The following TBC1D14 variants were observed in gnomAD, a reference collection of about 807,000 sequenced individuals.
The protein encoded by TBC1D14 is TBC1 domain family, member 14.
TBC1D14 carries 26 observed loss-of-function variants against 79.0 expected under a neutral mutation model. That is an observed-to-expected ratio of 0.33 (90% CI 0.24 to 0.46). TBC1D14 has a LOEUF of 0.46. Among genes scored for constraint, TBC1D14 ranks in the 20% least tolerant of loss-of-function variants. The pLI is 1.00. For missense variants in TBC1D14, 769 were observed against 887.6 expected, an observed-to-expected ratio of 0.87 and a Z score of 1.70; for synonymous variants, 394 against 349.9, an observed-to-expected ratio of 1.13 and a Z score of -1.40.
chr4:7,029,435 G>A (rs1722815063), intron 13 of TBC1D14, among the ~76,000 whole-genome samples: 1 of 152,272 alleles, frequency 6.6e-6, no homozygotes, highest in South Asian at 2.1e-4. Flanking sequence ...TTGTCGCGTG[G>A]GCTAAGCGGG....
At chr4:6,958,376 TACACACAC>T (rs60999179) in intron 2 of TBC1D14, among the ~76,000 whole-genome samples, 1 of 149,112 alleles carries the variant, frequency 6.7e-6, no homozygotes, top group African/African-American at 2.5e-5. Flanking sequence ...TCCCCACATA[TACACACAC>T]ACACACACAC....
At chr4:6,917,829 T>C (rs1723524346) in intron 1 of TBC1D14, among the ~76,000 whole-genome samples, 1 of 150,968 alleles carries the variant, frequency 6.6e-6, no homozygotes. Context: ...CTATAAAGGG[T>C]ATTATCACGC....
chr4:7,014,233 G>A (rs929058947), intron 11 of TBC1D14, among the ~76,000 whole-genome samples: 4 of 152,248 alleles, frequency 2.6e-5, no homozygotes, highest in African/African-American at 7.2e-5. Flanking sequence ...ATGAATTGAA[G>A]AAGATGAGGT....
chr4:7,013,271 G>A (rs1560349707), intron 11 of TBC1D14, among the ~76,000 whole-genome samples: 1 of 152,224 alleles, frequency 6.6e-6, no homozygotes, highest in African/African-American at 2.4e-5. Flanking sequence ...AGCAGCACCT[G>A]CCCCCGGTTA....
intron 2 of TBC1D14, among the ~76,000 whole-genome samples, chr4:6,938,096 G>C (rs973747168): frequency 6.6e-6 from 1 of 152,184 alleles, no homozygotes. Context: ...GGTGGTGGGC[G>C]CTACTTTGCT....
At chr4:6,987,001 C>G (rs986594792) in intron 3 of TBC1D14, among the ~76,000 whole-genome samples, 1 of 152,252 alleles carries the variant, frequency 6.6e-6, no homozygotes, top group African/African-American at 2.4e-5. Context: ...ATCTTTAAGG[C>G]AGAAGCTGGC....
chr4:6,969,155 G>C (rs1268074686), intron 3 of TBC1D14, among the ~76,000 whole-genome samples: 1 of 152,128 alleles, frequency 6.6e-6, no homozygotes. Context: ...CATTTTTGTT[G>C]ATTGTTACAT....
chr4:6,940,745 C>T (rs1209441865), intron 2 of TBC1D14, among the ~76,000 whole-genome samples: 2 of 152,206 alleles, frequency 1.3e-5, no homozygotes, highest in Non-Finnish European at 2.9e-5. Context: ...AAAGTCTGCT[C>T]TGCCTGGCCG....
At chr4:6,949,387 G>A (rs1713804361) in intron 2 of TBC1D14, among the ~76,000 whole-genome samples, 2 of 152,072 alleles carry the variant, frequency 1.3e-5, no homozygotes, top group African/African-American at 4.8e-5. Flanking sequence ...ATTACATGAA[G>A]ACTTCTAATT....
intron 2 of TBC1D14, among the ~76,000 whole-genome samples, chr4:6,939,030 A>T (rs1313560379): frequency 6.6e-6 from 1 of 152,062 alleles, no homozygotes; most frequent in Non-Finnish European, 1.5e-5. Flanking sequence ...TGGGGAAGAG[A>T]TGCTAGTGAA....
chr4:6,984,007 G>A (rs1178078741), intron 3 of TBC1D14, among the ~76,000 whole-genome samples: 2 of 152,124 alleles, frequency 1.3e-5, no homozygotes, highest in South Asian at 2.1e-4. Context: ...GCTGCGTCTC[G>A]CCAGAAGGAA....
At chr4:6,949,668 GC>G (rs1472736718) in intron 2 of TBC1D14, among the ~76,000 whole-genome samples, 1 of 110,046 alleles carries the variant, frequency 9.1e-6, no homozygotes, top group Non-Finnish European at 1.8e-5. Context: ...GGGCGACAGA[GC>G]AAGACTCCGT....
rs1717934629 is a variant in TBC1D14, at chr4:6,987,209, G to T, written c.844-6975G>T. On this transcript the variant is annotated intron_variant, in intron 3 of 13. Coordinates refer to ENST00000409757, the MANE Select transcript of TBC1D14 (RefSeq NM_020773.3). ...TCTGCGCGCGATTGAGCGGCCTGCC[G>T]CCCCGCCCCGCCCCGCGAGTCTGAG... is the stretch of plus-strand genomic sequence containing the variant. 7.3e-6 allele frequency: 9 copies of T among 1,232,292 alleles called. No individual in the cohort carries two copies. The South Asian group carries it at 3.0e-4, about 41-fold the overall frequency. 76.3% of individuals were successfully genotyped at this position (1,232,292 alleles called of 1,614,324 possible).
At chr4:6,945,434 T>C (rs1323310788) in intron 2 of TBC1D14, among the ~76,000 whole-genome samples, 2 of 151,540 alleles carry the variant, frequency 1.3e-5, no homozygotes, top group Non-Finnish European at 2.9e-5. Flanking sequence ...TGGAAAGGAG[T>C]TATCTTAAAT....
At chr4:6,979,871 A>G (rs1717206943) in intron 3 of TBC1D14, among the ~76,000 whole-genome samples, 1 of 152,234 alleles carries the variant, frequency 6.6e-6, no homozygotes, top group South Asian at 2.1e-4. Flanking sequence ...AATGATTCTA[A>G]ATGTATTTGC....
intron 2 of TBC1D14, among the ~76,000 whole-genome samples, chr4:6,941,789 T>C (rs1342203516): frequency 6.6e-6 from 1 of 152,246 alleles, no homozygotes; most frequent in Non-Finnish European, 1.5e-5. Flanking sequence ...TCAGACCTCC[T>C]GTGTTCATGG....
In TBC1D14 at chr4:6,909,842, C is replaced by A. The variant is rs1188602003; in HGVS notation, c.-127C>A. 6.7e-6 allele frequency: 1 copy of A among 148,274 alleles called. No homozygotes were observed. The highest frequency in any genetic ancestry group is 1.5e-5 in the Non-Finnish European group (1 of 66,438). The allele number at this position is 148,274 out of a possible 1,614,324, so 9.2% of individuals were successfully genotyped here. ...CTCGCGCGCACCTGCGGGTCGGACC[C>A]GCTGCCTACCGCGTGCCCGGCGTCC... On this transcript the variant is annotated 5_prime_UTR_variant, in exon 1 of 14. Coordinates refer to ENST00000409757, the MANE Select transcript of TBC1D14 (RefSeq NM_020773.3).
intron 3 of TBC1D14, among the ~76,000 whole-genome samples, chr4:6,985,953 A>G (rs1717780325): frequency 6.6e-6 from 1 of 152,228 alleles, no homozygotes; most frequent in Non-Finnish European, 1.5e-5. Context: ...ATAAATGTAT[A>G]CAGTTATGCA....
In TBC1D14 at chr4:7,028,321, G is replaced by A. The variant is rs536658526; in HGVS notation, c.2017-2006G>A. On this transcript the variant is annotated intron_variant, in intron 13 of 13. Transcript: ENST00000409757. The stretch of plus-strand genomic sequence containing the variant: ...GGTAAAAACTATTGGTTAAAACTGG[G>A]TCAGATTATTTGACCGTAGGACATT... 2.6e-5 allele frequency among the ~76,000 whole-genome samples: 4 copies of A among 152,214 alleles called. No individual in the cohort carries two copies. In the South Asian group the frequency reaches 6.2e-4, roughly 24 times the overall value.
Sources: gnomAD v4.1 joint callset for allele counts (sites outside exome capture counted in the v4.1 genomes callset) on GRCh38, gnomAD v4.1.1 for gene constraint, MANE v1.5 for transcripts, NCBI Gene and HGNC (gene_info 2026-07-23, HGNC 2026-07-21) for gene names.